Variants in METTL15 observed in about 807,000 individuals in gnomAD.
METTL15 encodes the protein methyltransferase 15, mitochondrial 12S rRNA N4-cytidine.
A neutral mutation model predicts 38.3 loss-of-function variants in METTL15; 34 were observed. The observed-to-expected ratio is 0.89, with a 90% CI of 0.68 to 1.18. METTL15 has a LOEUF of 1.18. Ranked by LOEUF, METTL15 falls within the 50% of genes most tolerant of loss-of-function variation. The pLI is 0.00. For synonymous variants in METTL15, 162 were observed against 170.9 expected, an observed-to-expected ratio of 0.95 and a Z score of 0.41; for missense variants, 438 against 498.4, an observed-to-expected ratio of 0.88 and a Z score of 1.15.
At chr11:28,368,466 C>T (rs747625104) in intron 5 of METTL15, among the ~76,000 whole-genome samples, 74 of 152,100 alleles carry the variant, frequency 4.9e-4, no homozygotes, top group Non-Finnish European at 1.5e-4. Flanking sequence ...CATCTCACGC[C>T]AGTTAGAATG....
chr11:28,244,848 T>C (rs1352657879), intron 4 of METTL15, among the ~76,000 whole-genome samples: 1 of 152,220 alleles, frequency 6.6e-6, no homozygotes, highest in Non-Finnish European at 1.5e-5. Flanking sequence ...GCCGAAGCTA[T>C]GGAAAAGAAA....
chr11:28,423,320 G>A (rs1047499635), intron 5 of METTL15, among the ~76,000 whole-genome samples: 1 of 151,958 alleles, frequency 6.6e-6, no homozygotes, highest in Non-Finnish European at 1.5e-5. Context: ...GAGCTATCAT[G>A]TGATCCATCA....
At chr11:28,352,090 G>A (rs931301518) in exon 4 of METTL15, 43 of 152,236 alleles carry the variant, frequency 2.8e-4, no homozygotes, top group African/African-American at 9.9e-4. Context: ...TTCTTTGCAG[G>A]TTGCACTGGA....
At chr11:28,360,952 TC>T (rs1477388678) in intron 4 of METTL15, among the ~76,000 whole-genome samples, 2 of 151,836 alleles carry the variant, frequency 1.3e-5, no homozygotes. Context: ...AATGATGATT[TC>T]CAATTTCATC....
At chr11:28,527,256 T>C (rs540053033), downstream of METTL15, among the ~76,000 whole-genome samples, 2 of 152,362 alleles carry the variant, frequency 1.3e-5, no homozygotes, top group South Asian at 2.1e-4. Context: ...ACCATTATGC[T>C]TTGACTCATA....
chr11:28,186,433 G>A (rs1403430484), intron 3 of METTL15, among the ~76,000 whole-genome samples: 2 of 151,064 alleles, frequency 1.3e-5, no homozygotes, highest in African/African-American at 4.8e-5. Flanking sequence ...CATTATTTAT[G>A]ATTTGTTTGG....
chr11:28,412,013 A>T (rs764115873), intron 5 of METTL15, among the ~76,000 whole-genome samples: 28 of 152,128 alleles, frequency 1.8e-4, no homozygotes, highest in Admixed American at 3.9e-4. Flanking sequence ...ACTAATCACA[A>T]GGGAAATGCA....
At chr11:28,186,086 A>C (rs1260740029) in intron 3 of METTL15, among the ~76,000 whole-genome samples, 1 of 151,038 alleles carries the variant, frequency 6.6e-6, no homozygotes, top group Non-Finnish European at 1.5e-5. Context: ...TGAACAAATG[A>C]AAGGTTAGGC....
chr11:28,444,108 A>G (rs990811938), intron 6 of METTL15, among the ~76,000 whole-genome samples: 14 of 152,190 alleles, frequency 9.2e-5, no homozygotes, highest in Non-Finnish European at 1.9e-4. Context: ...ACTCATTATC[A>G]TTGGACATTT....
chr11:28,213,356 T>C (rs865787409), intron 4 of METTL15, among the ~76,000 whole-genome samples: 22 of 152,060 alleles, frequency 1.4e-4, no homozygotes, highest in South Asian at 2.1e-4. Context: ...AAAATCACTT[T>C]TGAACCTGAT....
At chr11:28,516,010 G>A (rs1246203412) in intron 6 of METTL15, among the ~76,000 whole-genome samples, 1 of 152,152 alleles carries the variant, frequency 6.6e-6, no homozygotes, top group Non-Finnish European at 1.5e-5. Context: ...GGGAACCACA[G>A]AAGTTATACT....
At chr11:28,305,889 A>T (rs1360463603) in intron 6 of METTL15, among the ~76,000 whole-genome samples, 1 of 152,140 alleles carries the variant, frequency 6.6e-6, no homozygotes, top group South Asian at 2.1e-4. Context: ...GTTCCTGGCA[A>T]CTAATAGAAA....
chr11:28,453,286 C>A (rs1442188560), intron 6 of METTL15, among the ~76,000 whole-genome samples: 3 of 152,172 alleles, frequency 2.0e-5, no homozygotes, highest in Non-Finnish European at 4.4e-5. Context: ...CTGCCACCTT[C>A]CATAAAAGAA....
At chr11:28,178,344 G>A (rs1327820777) in intron 3 of METTL15, among the ~76,000 whole-genome samples, 2 of 151,824 alleles carry the variant, frequency 1.3e-5, no homozygotes, top group African/African-American at 4.8e-5. Context: ...TTAACAATTC[G>A]CTGCTATTAG....
chr11:28,201,078 A>G (rs932646889), intron 3 of METTL15, among the ~76,000 whole-genome samples: 2 of 152,182 alleles, frequency 1.3e-5, no homozygotes, highest in Non-Finnish European at 2.9e-5. Flanking sequence ...ATTTTGAGAT[A>G]TATTCCATCA....
intron 6 of METTL15, among the ~76,000 whole-genome samples, chr11:28,432,897 T>A (rs1486788029): frequency 3.4e-5 from 5 of 149,022 alleles, no homozygotes; most frequent in Admixed American, 2.7e-4. Flanking sequence ...CCCAGAGCAC[T>A]GGCTCATTTT....
chr11:28,255,269 T>G (rs1338782363), intron 4 of METTL15, among the ~76,000 whole-genome samples: 1 of 152,190 alleles, frequency 6.6e-6, no homozygotes, highest in Non-Finnish European at 1.5e-5. Context: ...CAGATAGTTT[T>G]CTATTGACAT....
In METTL15 at chr11:28,488,112, G is replaced by GA. The variant is rs377683257; in HGVS notation, c.*425-38362dup. Among the ~76,000 whole-genome samples the GA allele has an allele frequency of 1.4e-3, 215 of 152,198 alleles. 1 individual carries two copies. Among genetic ancestry groups the GA allele is most frequent in the African/African-American group, 4.4e-3 (184 of 41,562 alleles). The stretch of plus-strand genomic sequence containing the variant: ...ATACAACAGTTTCCAACTCAGCAAT[G>GA]AAAATATGCTTATTTAACTCATATT... On this transcript the variant is annotated intron_variant and NMD_transcript_variant, in intron 6 of 7. Coordinates refer to the METTL15 transcript ENST00000532947.
intron 4 of METTL15, among the ~76,000 whole-genome samples, chr11:28,284,996 C>T (rs995902135): frequency 1.3e-5 from 2 of 152,094 alleles, no homozygotes; most frequent in African/African-American, 4.8e-5. Context: ...CGGTTTCCCC[C>T]ATGCTGTTCT....
Sources: gnomAD v4.1 joint callset for allele counts (sites outside exome capture counted in the v4.1 genomes callset) on GRCh38, gnomAD v4.1.1 for gene constraint, MANE v1.5 for transcripts, NCBI Gene and HGNC (gene_info 2026-07-23, HGNC 2026-07-21) for gene names.